Variants in WLS observed in about 807,000 individuals in gnomAD.
WLS encodes Wnt ligand secretion mediator, also known as protein wntless homolog.
A neutral mutation model predicts 62.8 loss-of-function variants in WLS; 23 were observed. The ratio of observed to expected loss-of-function variants is 0.37; its 90% confidence interval spans 0.26 to 0.52. WLS has a LOEUF of 0.52. Ranked by LOEUF, WLS falls within the 20% of genes least tolerant of loss-of-function variation. WLS has a pLI of 0.92. For synonymous variants in WLS, 246 were observed against 244.1 expected (o/e 1.01, Z -0.07); for missense variants, 615 against 697.3 (o/e 0.88, Z 1.33).
At chr1:68,130,050 G>A (rs1475329240) in intron 11 of WLS, among the ~76,000 whole-genome samples, 1 of 152,194 alleles carries the variant, frequency 6.6e-6, no homozygotes, top group Non-Finnish European at 1.5e-5. Flanking sequence ...GCATCCATAT[G>A]TGTGGAGTCA....
chr1:68,221,111 T>TC (rs1649923230), intron 1 of WLS, among the ~76,000 whole-genome samples: 1 of 152,214 alleles, frequency 6.6e-6, no homozygotes, highest in Admixed American at 6.5e-5. Flanking sequence ...ATCTTTTTTT[T>TC]CTCTTTCATC....
intron 2 of WLS, among the ~76,000 whole-genome samples, chr1:68,189,093 T>G (rs12044635): frequency 0.17 from 25,302 of 152,128 alleles, 2,445 homozygotes; most frequent in East Asian, 0.34. Context: ...TCTTGTGCTG[T>G]CCCCTGATAA....
rs1157324101 is a variant in WLS at position 68,232,244 on chromosome 1, C to A, written c.56G>T (p.Gly19Val). Residue 19 changes from glycine (G) to valine (V), a missense_variant, in exon 1 of 12, where the codon GGG becomes GTG. Transcript: ENST00000262348. ...MSTKKLCIVG[G>V]ILLVFQIIAF... ...GATGATTTGGAACACGAGCAGAATC[C>A]CACCAACAATGCACAGCTTCTTGGT... is the stretch of plus-strand genomic sequence containing the variant. The A allele has an allele frequency of 2.5e-6, 4 of 1,614,132 alleles. No homozygotes were observed. The highest frequency in any genetic ancestry group is 2.5e-6 in the Non-Finnish European group (3 of 1,180,026).
intron 5 of WLS, among the ~76,000 whole-genome samples, chr1:68,151,795 A>G (rs77316725): frequency 1.3e-5 from 2 of 152,242 alleles, no homozygotes; most frequent in Non-Finnish European, 2.9e-5. Context: ...CAAGGGGCTT[A>G]TAGGTCAGGG....
rs778280457 is a variant in WLS, at chr1:68,137,804, T to G, written c.1492A>C (p.Asn498His). 6.2e-7 allele frequency: 1 copy of G among 1,613,880 alleles called. No homozygotes were observed. ...CCATTGGACTGGTCTTCTCCATAGTTTTTATGGGATGGTGCATACAAGAAC... is the reference window on the plus strand; with the variant it reads ...CCATTGGACTGGTCTTCTCCATAGTGTTTATGGGATGGTGCATACAAGAAC... ...LMFLYAPSHK[N>H]YGEDQSNGDL... The change falls in exon 11 of 12, where the codon AAC becomes CAC. Residue 498 changes from asparagine (N) to histidine (H), a missense_variant. Asn to His is a moderately conservative substitution (Grantham distance 68, BLOSUM62 1). Coordinates refer to ENST00000262348, the MANE Select transcript of WLS (RefSeq NM_024911.7).
At chr1:68,162,912 C>T (rs796448068) in intron 2 of WLS, 1 of 1,572,278 alleles carries the variant, frequency 6.4e-7, no homozygotes, top group Non-Finnish European at 8.8e-7. Context: ...CTGCGCGTCA[C>T]AGAAGGCCAC....
chr1:68,212,528 A>C (rs1162114982), intron 1 of WLS, among the ~76,000 whole-genome samples: 1 of 152,222 alleles, frequency 6.6e-6, no homozygotes, highest in Non-Finnish European at 1.5e-5. Flanking sequence ...TGAAGATTTT[A>C]GTTCCAACAC....
At chr1:68,188,564 C>G (rs1648105343) in intron 2 of WLS, among the ~76,000 whole-genome samples, 1 of 152,100 alleles carries the variant, frequency 6.6e-6, no homozygotes, top group African/African-American at 2.4e-5. Flanking sequence ...CAGATTATAT[C>G]CAGGAAGGAA....
chr1:68,183,636 G>A (rs761801955), intron 2 of WLS: 12 of 434,836 alleles, frequency 2.8e-5, no homozygotes, highest in Non-Finnish European at 3.7e-5. Flanking sequence ...TTTGTAGAAG[G>A]ATGAAATTCA....
Position 68,125,979 on chromosome 1 carries a change from A to G in WLS, c.*247T>C. On this transcript the variant is annotated 3_prime_UTR_variant, in exon 12 of 12. Coordinates refer to ENST00000262348, the MANE Select transcript of WLS (RefSeq NM_024911.7). Reference sequence around the variant, plus strand: ...GTTACTATGTCACTAATTAACAATGATCACAGAAAATGTGTCATACCAGAG... The same window carrying G: ...GTTACTATGTCACTAATTAACAATGGTCACAGAAAATGTGTCATACCAGAG... The G allele has an allele frequency of 7.7e-7, 1 of 1,298,990 alleles. No individual in the cohort carries two copies. Among genetic ancestry groups the G allele is most frequent in the East Asian group, 3.1e-5 (1 of 31,942 alleles). 80.5% of individuals were successfully genotyped at this position (1,298,990 alleles called of 1,614,324 possible).
rs190354351 is a variant in WLS at position 68,216,039 on chromosome 1, G to A, written c.106+16155C>T. Among the ~76,000 whole-genome samples, 280 of 152,320 alleles carry A rather than the reference G, an allele frequency of 1.8e-3. 2 individuals carry two copies. Among genetic ancestry groups the A allele is most frequent in the Admixed American group, 2.9e-3 (45 of 15,306 alleles). The stretch of plus-strand genomic sequence containing the variant: ...CAACAACTGTTCATGGGAATGGCTT[G>A]CTACACAGAGGAGGGTGAAGAAGAT... On this transcript the variant is annotated intron_variant, in intron 1 of 11. Coordinates refer to ENST00000262348, the MANE Select transcript of WLS (RefSeq NM_024911.7).
intron 2 of WLS, among the ~76,000 whole-genome samples, chr1:68,182,953 T>A (rs190739074): frequency 1.4e-4 from 22 of 152,294 alleles, no homozygotes; most frequent in South Asian, 4.1e-4. Context: ...CAGGCTGGAG[T>A]GCAGTGGTGC....
chr1:68,150,108 G>A (rs1185808505), intron 6 of WLS, 80 bp downstream of exon 6: 2 of 1,479,610 alleles, frequency 1.4e-6, no homozygotes, highest in African/African-American at 1.4e-5. Flanking sequence ...GCTGACTAGA[G>A]GCAAAGGGGG....
intron 2 of WLS, chr1:68,162,629 C>T: frequency 2.4e-6 from 3 of 1,269,368 alleles, no homozygotes; most frequent in Non-Finnish European, 3.4e-6. Context: ...TACCGCAGTG[C>T]TTGGTACAGC....
At chr1:68,184,507 C>T (rs1239046736) in intron 2 of WLS, among the ~76,000 whole-genome samples, 1 of 152,152 alleles carries the variant, frequency 6.6e-6, no homozygotes. Flanking sequence ...AGGTCTAATA[C>T]CATCAGGTAA....
At chr1:68,161,794 G>A (rs189087489) in intron 2 of WLS, 1 of 1,601,432 alleles carries the variant, frequency 6.2e-7, no homozygotes, top group Admixed American at 1.7e-5. Context: ...CCCGTGTTTT[G>A]TGGGCTGGTT....
chr1:68,143,415 TGTGCCAG>T (rs1646712973), intron 10 of WLS, among the ~76,000 whole-genome samples: 1 of 152,236 alleles, frequency 6.6e-6, no homozygotes, highest in South Asian at 2.1e-4. Flanking sequence ...ATGCTTACAA[TGTGCCAG>T]GTGCTCTGCT....
At chr1:68,230,907 G>A (rs1650381048) in intron 1 of WLS, among the ~76,000 whole-genome samples, 1 of 152,174 alleles carries the variant, frequency 6.6e-6, no homozygotes, top group Non-Finnish European at 1.5e-5. Context: ...AGGTGCCCAA[G>A]CCTGTGCAGC....
intron 2 of WLS, among the ~76,000 whole-genome samples, chr1:68,170,163 T>TTTTTC (rs1294142574): frequency 1.9e-3 from 161 of 83,740 alleles, no homozygotes; most frequent in African/African-American, 6.0e-3. Context: ...ACTATTTCTT[T>TTTTTC]TTTTTTTTTT....
Sources: allele counts gnomAD v4.1 joint callset (sites outside exome capture counted in the v4.1 genomes callset), GRCh38; gene constraint gnomAD v4.1.1; transcripts MANE v1.5; gene names NCBI Gene and HGNC (gene_info 2026-07-23, HGNC 2026-07-21).